COL24A1: variants seen among roughly 807,000 people sequenced by gnomAD.
The protein encoded by COL24A1 is collagen type XXIV alpha 1 chain.
In COL24A1, 224 loss-of-function variants were observed where a neutral mutation model predicts 253.9. That is an observed-to-expected ratio of 0.88 (90% CI 0.79 to 0.99). The LOEUF (loss-of-function observed/expected upper bound fraction) is 0.99. Ranked by LOEUF, COL24A1 falls within the 50% of genes least tolerant of loss-of-function variation. The probability of loss-of-function intolerance (pLI) is 0.00; values close to 1 mark genes in which losing one functional copy is unlikely to be tolerated. For missense variants in COL24A1, 2,131 were observed against 2,068.5 expected, an observed-to-expected ratio of 1.03 and a Z score of -0.59; for synonymous variants, 685 against 673.7, an observed-to-expected ratio of 1.02 and a Z score of -0.26.
rs1404164920 is a variant in COL24A1 at position 85,868,487 on chromosome 1, T to C, written c.3300+32A>G. On this transcript the variant is annotated intron_variant, in intron 37 of 59. Coordinates refer to ENST00000370571, the MANE Select transcript of COL24A1 (RefSeq NM_152890.7). Reference sequence around the variant, plus strand: ...TACACATACAGGCAGTGAATTCACTTAGTATTTGAAAGTGAACCCAGCAGT... The same window carrying C: ...TACACATACAGGCAGTGAATTCACTCAGTATTTGAAAGTGAACCCAGCAGT... 7 of 1,500,378 alleles carry C rather than the reference T, an allele frequency of 4.7e-6. No homozygotes were observed. The South Asian group carries it at 6.8e-5, about 15-fold the overall frequency. 92.9% of individuals were successfully genotyped at this position (1,500,378 alleles called of 1,614,324 possible).
chr1:85,773,392 T>C (rs1293731842), intron 53 of COL24A1, among the ~76,000 whole-genome samples: 1 of 152,228 alleles, frequency 6.6e-6, no homozygotes, highest in Non-Finnish European at 1.5e-5. Flanking sequence ...AGTAGTTTTT[T>C]CCAATTCTGT....
At chr1:86,133,667 T>C (rs1187068701) in intron 2 of COL24A1, among the ~76,000 whole-genome samples, 1 of 152,236 alleles carries the variant, frequency 6.6e-6, no homozygotes, top group African/African-American at 2.4e-5. Context: ...GATTTGTGTA[T>C]GTTGAACCAG....
chr1:85,929,914 T>A (rs1687649299), intron 24 of COL24A1, among the ~76,000 whole-genome samples: 2 of 102,592 alleles, frequency 1.9e-5, no homozygotes, highest in Admixed American at 2.1e-4. Context: ...TACCAGAATC[T>A]CTGGGACGCA....
chr1:85,760,390 T>C (rs970699230), intron 55 of COL24A1, among the ~76,000 whole-genome samples: 4 of 152,086 alleles, frequency 2.6e-5, no homozygotes, highest in Non-Finnish European at 5.9e-5. Flanking sequence ...TTTCCCTCCA[T>C]GTTAGTCAGA....
intron 37 of COL24A1, among the ~76,000 whole-genome samples, chr1:85,858,392 A>AT (rs1473222673): frequency 1.4e-5 from 2 of 145,098 alleles, no homozygotes; most frequent in East Asian, 2.0e-4. Flanking sequence ...GCTCTTTTTC[A>AT]TTTTTTTCTT....
At chr1:86,047,422 T>C (rs1408448454) in intron 11 of COL24A1, among the ~76,000 whole-genome samples, 5 of 152,194 alleles carry the variant, frequency 3.3e-5, no homozygotes, top group African/African-American at 4.8e-5. Context: ...AGTACTTAAG[T>C]ACCCAGGCTT....
intron 32 of COL24A1, 131 bp from the exon 33 acceptor site, chr1:85,877,306 G>T: frequency 1.7e-6 from 1 of 592,566 alleles, no homozygotes. Flanking sequence ...ACATTTATCA[G>T]CATATTACTT....
rs118146009 is a variant in COL24A1, at chr1:86,110,716, C to T, written c.1599+1851G>A. Among the ~76,000 whole-genome samples the T allele has an allele frequency of 8.8e-3, 1,343 of 152,234 alleles. 24 individuals are homozygous for T. The highest frequency in any genetic ancestry group is 0.074 in the East Asian group (382 of 5,150). ...CAGCTACAGAGGGTGCGCTGGGTCC[C>T]GCAGCACTGATGGCCCGCCCGTGCT... On this transcript the variant is annotated intron_variant, in intron 5 of 59. Transcript: ENST00000370571.
At chr1:85,824,376 C>A (rs1020669429) in intron 43 of COL24A1, among the ~76,000 whole-genome samples, 1 of 152,156 alleles carries the variant, frequency 6.6e-6, no homozygotes, top group African/African-American at 2.4e-5. Context: ...GTAAGCCACC[C>A]ATTTTGTGGT....
intron 20 of COL24A1, among the ~76,000 whole-genome samples, chr1:85,986,219 GA>G: frequency 6.6e-6 from 1 of 150,866 alleles, no homozygotes; most frequent in East Asian, 1.9e-4. Context: ...TTTTTTTCTT[GA>G]AAGTAGGGAT....
At chr1:85,910,234 C>T (rs558115671) in intron 25 of COL24A1, among the ~76,000 whole-genome samples, 1 of 151,590 alleles carries the variant, frequency 6.6e-6, no homozygotes, top group East Asian at 1.9e-4. Context: ...TATTAAAGTC[C>T]TTATTAAAAT....
chr1:86,123,413 TACTAC>T (rs1344002020), intron 3 of COL24A1, among the ~76,000 whole-genome samples: 1 of 152,042 alleles, frequency 6.6e-6, no homozygotes, highest in African/African-American at 2.4e-5. Flanking sequence ...TATCCTACTT[TACTAC>T]AAGATATATT....
chr1:86,088,251 G>A (rs922462410), intron 7 of COL24A1, among the ~76,000 whole-genome samples: 1 of 152,152 alleles, frequency 6.6e-6, no homozygotes, highest in African/African-American at 2.4e-5. Flanking sequence ...GGGTTTGAAC[G>A]AAGCAACCAG....
rs186283998 is a variant in COL24A1, at chr1:86,029,337, T to C, written c.2049+2541A>G. 2.6e-3 allele frequency among the ~76,000 whole-genome samples: 389 copies of C among 152,268 alleles called. 1 individual carries two copies. Among genetic ancestry groups the C allele is most frequent in the African/African-American group, 9.0e-3 (373 of 41,562 alleles). Reference sequence around the variant, plus strand: ...CACTTATCAGCTAAATAGTCATGGGTTGGTCTGAGAATGGAATGACTTAAC... The same window carrying C: ...CACTTATCAGCTAAATAGTCATGGGCTGGTCTGAGAATGGAATGACTTAAC... On this transcript the variant is annotated intron_variant, in intron 14 of 59. Transcript: ENST00000370571.
chr1:86,132,766 T>C (rs1260506839), intron 2 of COL24A1, among the ~76,000 whole-genome samples: 1 of 152,202 alleles, frequency 6.6e-6, no homozygotes, highest in African/African-American at 2.4e-5. Flanking sequence ...TTGGTTACTG[T>C]AGCTTTGTGG....
At chr1:85,925,303 A>G (rs1461682687) in intron 24 of COL24A1, among the ~76,000 whole-genome samples, 1 of 152,214 alleles carries the variant, frequency 6.6e-6, no homozygotes, top group African/African-American at 2.4e-5. Flanking sequence ...GACTTTCTTC[A>G]CGGAATTGGA....
At chr1:85,978,566 C>T (rs1692924235) in intron 20 of COL24A1, among the ~76,000 whole-genome samples, 1 of 151,064 alleles carries the variant, frequency 6.6e-6, no homozygotes, top group South Asian at 2.1e-4. Context: ...CAAGCAGGAC[C>T]TCAATAACAG....
intron 10 of COL24A1, among the ~76,000 whole-genome samples, chr1:86,052,690 G>A (rs1290219116): frequency 6.6e-6 from 1 of 151,846 alleles, no homozygotes; most frequent in East Asian, 1.9e-4. Context: ...TGTACTTAAG[G>A]CCACTGACCA....
At chr1:86,071,405 T>C (rs947717969) in intron 7 of COL24A1, among the ~76,000 whole-genome samples, 4 of 152,100 alleles carry the variant, frequency 2.6e-5, no homozygotes, top group Admixed American at 2.6e-4. Context: ...TATTTATCAA[T>C]AATAACATTG....
Sources: gnomAD v4.1 joint callset for allele counts (sites outside exome capture counted in the v4.1 genomes callset) on GRCh38, gnomAD v4.1.1 for gene constraint, MANE v1.5 for transcripts, NCBI Gene and HGNC (gene_info 2026-07-23, HGNC 2026-07-21) for gene names.